Variants in LRCH1 observed in about 807,000 individuals in gnomAD.
LRCH1 encodes the protein leucine rich repeats and calponin homology domain containing 1.
In LRCH1, 23 loss-of-function variants were observed where a neutral mutation model predicts 94.9. The ratio of observed to expected loss-of-function variants is 0.24; its 90% CI spans 0.17 to 0.34. The LOEUF is 0.34. LRCH1 is among the 10% of genes least tolerant of loss of function. The pLI, the probability that LRCH1 is intolerant of heterozygous loss-of-function variation, is 1.00. For synonymous variants in LRCH1, 364 were observed against 354.9 expected, an observed-to-expected ratio of 1.03 and a Z score of -0.29; for missense variants, 790 against 945.9, an observed-to-expected ratio of 0.84 and a Z score of 2.16.
In LRCH1 at chr13:46,553,718, A is replaced by G. The variant is rs2050029452; in HGVS notation, c.307+15A>G. 6.2e-7 allele frequency: 1 copy of G among 1,603,764 alleles called. No individual in the cohort carries two copies. Among genetic ancestry groups the G allele is most frequent in the African/African-American group, 1.3e-5 (1 of 74,584 alleles). On this transcript the variant is annotated intron_variant, in intron 1 of 19. Coordinates refer to ENST00000389797, the MANE Select transcript of LRCH1 (RefSeq NM_001164211.2). ...GGTGCAGGCAGGTGAGTGAGGGCCG[A>G]GGGGCGGGCAGGGGTGTGGGTGCTG...
intron 7 of LRCH1, among the ~76,000 whole-genome samples, chr13:46,692,041 G>A (rs945574732): frequency 6.6e-6 from 1 of 152,140 alleles, no homozygotes; most frequent in African/African-American, 2.4e-5. Context: ...AGCAAGAACT[G>A]CATAGACCCT....
Position 46,725,355 on chromosome 13 carries a change from T to C in LRCH1, c.1869+2025T>C, listed in dbSNP as rs151227797. ...ATGTACCCCTGAATCTAAAATAAAT[T>C]TTTTCAATAAAGAAAGAAAGGTTCT... On this transcript the variant is annotated intron_variant, in intron 17 of 19. Coordinates refer to ENST00000389797, the MANE Select transcript of LRCH1 (RefSeq NM_001164211.2). Among the ~76,000 whole-genome samples the C allele has an allele frequency of 1.0e-3, 155 of 152,256 alleles. 1 individual carries two copies. In the East Asian group the frequency reaches 0.028, roughly 27 times the overall value.
intron 2 of LRCH1, among the ~76,000 whole-genome samples, chr13:46,661,076 T>C (rs2051441832): frequency 6.6e-6 from 1 of 152,176 alleles, no homozygotes; most frequent in South Asian, 2.1e-4. Flanking sequence ...GTTCAGTATC[T>C]CATTGCCTCG....
rs1286989055 is a variant in LRCH1, at chr13:46,650,518, C to G, written c.452+173C>G. ...TAATAAATTTGTAATGTTGTTAATA[C>G]TGTCCTTGGTGCTAGACTTCCCTGA... On this transcript the variant is annotated intron_variant, in intron 2 of 19. Coordinates refer to ENST00000389797, the MANE Select transcript of LRCH1 (RefSeq NM_001164211.2). 5.3e-5 allele frequency among the ~76,000 whole-genome samples: 8 copies of G among 151,916 alleles called. No homozygotes were observed. In the East Asian group the frequency reaches 9.6e-4, roughly 18 times the overall value.
intron 11 of LRCH1, among the ~76,000 whole-genome samples, chr13:46,702,415 T>C (rs1871526938): frequency 2.6e-5 from 4 of 152,066 alleles, no homozygotes; most frequent in Admixed American, 2.0e-4. Context: ...GGCAGGAGAA[T>C]CGCTTGAGCC....
chr13:46,658,606 A>G (rs1216863), intron 2 of LRCH1, among the ~76,000 whole-genome samples: 103,079 of 152,004 alleles, frequency 0.68, 35,157 homozygotes, highest in Middle Eastern at 0.74. Context: ...TAGCCTCCGC[A>G]GGAGCTGGGA....
chr13:46,747,258 A>G (rs542496071), downstream of LRCH1, among the ~76,000 whole-genome samples: 73 of 152,270 alleles, frequency 4.8e-4, no homozygotes, highest in Non-Finnish European at 8.1e-4. Flanking sequence ...CCTGGGAAAG[A>G]GGGTGCCCTT....
intron 16 of LRCH1, among the ~76,000 whole-genome samples, chr13:46,721,625 A>G (rs1872584724): frequency 6.6e-6 from 1 of 152,094 alleles, no homozygotes; most frequent in Non-Finnish European, 1.5e-5. Flanking sequence ...AATTGGTTCT[A>G]CGTCCTGTGA....
intron 1 of LRCH1, among the ~76,000 whole-genome samples, chr13:46,628,409 G>A (rs1198700064): frequency 6.6e-6 from 1 of 152,044 alleles, no homozygotes; most frequent in Admixed American, 6.5e-5. Flanking sequence ...AGGCTGAGGT[G>A]GGCAGGTCAC....
At chr13:46,711,403 T>C (rs1256910913) in intron 13 of LRCH1, among the ~76,000 whole-genome samples, 1 of 152,174 alleles carries the variant, frequency 6.6e-6, no homozygotes, top group Non-Finnish European at 1.5e-5. Context: ...ATGCTCCCAA[T>C]GTGATTCTGC....
intron 1 of LRCH1, among the ~76,000 whole-genome samples, chr13:46,603,837 TG>T (rs1350853878): frequency 6.6e-5 from 10 of 152,234 alleles, no homozygotes; most frequent in Non-Finnish European, 1.3e-4. Flanking sequence ...TTAATTTTTT[TG>T]TAGAGATGGG....
chr13:46,581,645 A>G (rs1459782296), intron 1 of LRCH1, among the ~76,000 whole-genome samples: 1 of 152,190 alleles, frequency 6.6e-6, no homozygotes, highest in African/African-American at 2.4e-5. Context: ...TTCTGTTGAG[A>G]AATGGACCTA....
chr13:46,617,768 A>G (rs1007699519), intron 1 of LRCH1, among the ~76,000 whole-genome samples: 3 of 152,250 alleles, frequency 2.0e-5, no homozygotes, highest in Non-Finnish European at 4.4e-5. Flanking sequence ...AGAATTTTTA[A>G]GAATGTTCCT....
intron 1 of LRCH1, among the ~76,000 whole-genome samples, chr13:46,559,311 C>T (rs2050104379): frequency 6.6e-6 from 1 of 152,098 alleles, no homozygotes; most frequent in Non-Finnish European, 1.5e-5. Context: ...TTTTAACATA[C>T]CTGTTGCTTT....
At chr13:46,712,174 ATC>A (rs1872097681) in intron 14 of LRCH1, among the ~76,000 whole-genome samples, 1 of 152,238 alleles carries the variant, frequency 6.6e-6, no homozygotes, top group South Asian at 2.1e-4. Context: ...GTTCAGTATT[ATC>A]TGTTTCCTCA....
At position 46,701,009 on chromosome 13, in the gene LRCH1, G is replaced by A. The variant is rs547300893; in HGVS notation, c.1314-112G>A. The A allele has an allele frequency of 3.0e-5, 21 of 705,200 alleles. No homozygotes were observed. The Middle Eastern group carries it at 8.8e-4, about 30-fold the overall frequency. 43.7% of individuals were successfully genotyped at this position (705,200 alleles called of 1,614,324 possible). On this transcript the variant is annotated intron_variant, in intron 10 of 19. Transcript: ENST00000389797. Reference sequence around the variant, plus strand: ...TTTTCACCATAACACTGAATCTGTCGAAATCATTTTCATATGTTAGATGGA... The same window carrying A: ...TTTTCACCATAACACTGAATCTGTCAAAATCATTTTCATATGTTAGATGGA...
intron 1 of LRCH1, among the ~76,000 whole-genome samples, chr13:46,573,692 A>G (rs2050265744): frequency 6.6e-6 from 1 of 151,434 alleles, no homozygotes. Context: ...AGTTGAACTC[A>G]TGGACATAGA....
At chr13:46,589,028 C>T (rs1367039716) in intron 1 of LRCH1, among the ~76,000 whole-genome samples, 3 of 151,704 alleles carry the variant, frequency 2.0e-5, no homozygotes, top group African/African-American at 7.3e-5. Context: ...TGTCATGATG[C>T]TTACCCTCTC....
rs368383502 is a variant in LRCH1, at chr13:46,699,413, G to C, written c.1313+10G>C. On this transcript the variant is annotated intron_variant, in intron 10 of 19. Coordinates refer to ENST00000389797, the MANE Select transcript of LRCH1 (RefSeq NM_001164211.2). ...GGCAAACTGAGGGCATGTGAGTGCC[G>C]AGGCCTTGGTTACAAGCCATCATCA... 4 of 1,612,408 alleles carry C rather than the reference G, an allele frequency of 2.5e-6. No individual in the cohort carries two copies. The highest frequency in any genetic ancestry group is 3.4e-6 in the Non-Finnish European group (4 of 1,178,436).
Sources: gnomAD v4.1 joint callset for allele counts (sites outside exome capture counted in the v4.1 genomes callset) on GRCh38, gnomAD v4.1.1 for gene constraint, MANE v1.5 for transcripts, NCBI Gene and HGNC (gene_info 2026-07-23, HGNC 2026-07-21) for gene names.